The following LRMDA variants were observed in gnomAD, a reference collection of about 807,000 sequenced individuals.
LRMDA encodes leucine-rich melanocyte differentiation-associated protein.
LRMDA carries 18 observed loss-of-function variants against 29.8 expected under a neutral mutation model. That is an observed-to-expected ratio of 0.60 (90% CI 0.42 to 0.90). The LOEUF (loss-of-function observed/expected upper bound fraction) is 0.90, where lower values mean the gene tolerates loss of function less well. Ranked by LOEUF, LRMDA falls within the 40% of genes least tolerant of loss-of-function variation. LRMDA has a pLI of 0.00. For missense variants in LRMDA, 273 were observed against 273.9 expected (o/e 1.00, Z 0.02); for synonymous variants, 125 against 109.4 (o/e 1.14, Z -0.89).
chr10:76,503,544 G>A (rs947828700), intron 6 of LRMDA, among the ~76,000 whole-genome samples: 2 of 151,360 alleles, frequency 1.3e-5, no homozygotes, highest in Non-Finnish European at 3.0e-5. Flanking sequence ...TTTCTTCCTG[G>A]ATCAATCTTG....
chr10:75,434,963 G>C (rs1198898991), intron 1 of LRMDA, among the ~76,000 whole-genome samples: 1 of 152,174 alleles, frequency 6.6e-6, no homozygotes, highest in African/African-American at 2.4e-5. Context: ...TGTGTACATA[G>C]GTGGGGACCC....
chr10:76,322,635 A>T (rs1464237444), intron 5 of LRMDA, among the ~76,000 whole-genome samples: 1 of 152,238 alleles, frequency 6.6e-6, no homozygotes, highest in African/African-American at 2.4e-5. Flanking sequence ...TGTTCCAGTA[A>T]TTGTAGAAAA....
intron 5 of LRMDA, among the ~76,000 whole-genome samples, chr10:76,236,546 C>A (rs1182273107): frequency 6.6e-6 from 1 of 152,208 alleles, no homozygotes; most frequent in Non-Finnish European, 1.5e-5. Flanking sequence ...TTTAACCAAT[C>A]AATGGTCTCC....
chr10:76,009,119 CAAT>C (rs1233814162), intron 2 of LRMDA, among the ~76,000 whole-genome samples: 2 of 152,126 alleles, frequency 1.3e-5, no homozygotes, highest in African/African-American at 4.8e-5. Context: ...AATTTACAAA[CAAT>C]AACAAAGCCC....
chr10:76,492,285 G>C (rs73292569), intron 6 of LRMDA, among the ~76,000 whole-genome samples: 5,296 of 152,112 alleles, frequency 0.035, 130 homozygotes, highest in Non-Finnish European at 0.044. Context: ...CATTCAAGTA[G>C]TAGATATTTA....
chr10:75,976,752 A>G (rs189649969), intron 2 of LRMDA, among the ~76,000 whole-genome samples: 110 of 152,316 alleles, frequency 7.2e-4, no homozygotes, highest in Non-Finnish European at 1.2e-3. Flanking sequence ...AAACTGAGGT[A>G]TGGAGGGTTT....
intron 5 of LRMDA, among the ~76,000 whole-genome samples, chr10:76,232,209 C>A (rs943012694): frequency 3.3e-5 from 5 of 152,116 alleles, no homozygotes; most frequent in Non-Finnish European, 7.4e-5. Flanking sequence ...ATATTACAAA[C>A]ATAACAATAA....
chr10:75,872,552 C>A (rs990635955), intron 2 of LRMDA, among the ~76,000 whole-genome samples: 35 of 152,150 alleles, frequency 2.3e-4, no homozygotes, highest in African/African-American at 8.2e-4. Flanking sequence ...GATCCGCCTG[C>A]CTCAACCTCC....
intron 2 of LRMDA, among the ~76,000 whole-genome samples, chr10:75,886,419 C>T (rs1430085138): frequency 6.6e-6 from 1 of 152,158 alleles, no homozygotes; most frequent in African/African-American, 2.4e-5. Context: ...AATTATCCTG[C>T]ACCACATAAC....
intron 2 of LRMDA, among the ~76,000 whole-genome samples, chr10:75,617,622 T>C (rs1008509316): frequency 6.6e-6 from 1 of 152,170 alleles, no homozygotes; most frequent in South Asian, 2.1e-4. Flanking sequence ...GACTTCTCTC[T>C]TGCTACTTCT....
intron 5 of LRMDA, among the ~76,000 whole-genome samples, chr10:76,241,351 T>TTTTA (rs1852274577): frequency 6.6e-6 from 1 of 152,208 alleles, no homozygotes; most frequent in Non-Finnish European, 1.5e-5. Flanking sequence ...ATTGTAAGGT[T>TTTTA]CCCAACCAAC....
Position 76,265,333 on chromosome 10 carries a change from G to C in LRMDA, c.517-59068G>C, listed in dbSNP as rs144719881. Among the ~76,000 whole-genome samples the C allele has an allele frequency of 2.0e-4, 31 of 152,292 alleles. 1 individual carries two copies. In the East Asian group the frequency reaches 6.0e-3, roughly 29 times the overall value. ...TTATTATTGCTCTTCCACCCAGGCT[G>C]AAAGTTGAGTGTCATCTCTCAAGCA... On this transcript the variant is annotated intron_variant, in intron 5 of 6. Coordinates refer to ENST00000611255, the MANE Select transcript of LRMDA (RefSeq NM_001305581.2).
chr10:76,032,336 G>A (rs896094877), intron 2 of LRMDA, among the ~76,000 whole-genome samples: 2 of 152,232 alleles, frequency 1.3e-5, no homozygotes, highest in Non-Finnish European at 2.9e-5. Context: ...AGGGCTGCAC[G>A]CCTGTTCGGC....
chr10:75,543,875 T>C (rs965618979), intron 2 of LRMDA, among the ~76,000 whole-genome samples: 2 of 152,156 alleles, frequency 1.3e-5, no homozygotes, highest in African/African-American at 4.8e-5. Flanking sequence ...TGATTTTCAC[T>C]CCTCTGGATT....
At chr10:76,115,035 T>C (rs984906147) in intron 5 of LRMDA, among the ~76,000 whole-genome samples, 1 of 152,244 alleles carries the variant, frequency 6.6e-6, no homozygotes, top group African/African-American at 2.4e-5. Flanking sequence ...AAGCTGTTTT[T>C]GCTTTGCTGG....
intron 6 of LRMDA, among the ~76,000 whole-genome samples, chr10:76,403,627 G>A (rs977049937): frequency 2.0e-5 from 3 of 152,086 alleles, no homozygotes; most frequent in African/African-American, 7.2e-5. Context: ...GATAAGTACT[G>A]TTCAGTGCAT....
chr10:76,482,789 C>T (rs1288449789), intron 6 of LRMDA, among the ~76,000 whole-genome samples: 1 of 151,952 alleles, frequency 6.6e-6, no homozygotes, highest in Non-Finnish European at 1.5e-5. Flanking sequence ...TACCAGCTCA[C>T]ATTATTCAGT....
intron 2 of LRMDA, among the ~76,000 whole-genome samples, chr10:75,874,480 T>C (rs1322716081): frequency 6.6e-6 from 1 of 152,230 alleles, no homozygotes; most frequent in African/African-American, 2.4e-5. Context: ...ATAAGCACAT[T>C]TCTCTTTGTT....
At chr10:76,427,484 C>A (rs564073711) in intron 6 of LRMDA, among the ~76,000 whole-genome samples, 4 of 152,300 alleles carry the variant, frequency 2.6e-5, no homozygotes, top group African/African-American at 7.2e-5. Flanking sequence ...AGTTGCTTAT[C>A]AGCTTAATGA....
Sources: allele counts gnomAD v4.1 joint callset (sites outside exome capture counted in the v4.1 genomes callset), GRCh38; gene constraint gnomAD v4.1.1; transcripts MANE v1.5; gene names NCBI Gene and HGNC (gene_info 2026-07-23, HGNC 2026-07-21).